The following CHD1L variants were observed in gnomAD, a reference collection of about 807,000 sequenced individuals.
CHD1L encodes the protein ATP-dependent chromatin remodeler CHD1L.
Under a neutral mutation model 115.9 loss-of-function variants are expected in CHD1L, and 118 were observed. That is an observed-to-expected ratio of 1.02 (90% CI 0.88 to 1.19). CHD1L has a LOEUF of 1.19. CHD1L is among the 50% of genes most tolerant of loss of function. CHD1L has a pLI of 0.00. For synonymous variants in CHD1L, 411 were observed against 387.1 expected (o/e 1.06, Z -0.72); for missense variants, 1,179 against 1,065.3 (o/e 1.11, Z -1.49).
chr1:147,267,640 C>A, intron 9 of CHD1L, 122 bp downstream of exon 9: 1 of 704,760 alleles, frequency 1.4e-6, no homozygotes, highest in Non-Finnish European at 2.4e-6. Context: ...TTCTCAATTT[C>A]TCTGTATTGG....
intron 15 of CHD1L, among the ~76,000 whole-genome samples, chr1:147,280,578 A>G (rs188101330): frequency 6.6e-6 from 1 of 152,294 alleles, no homozygotes; most frequent in East Asian, 1.9e-4. Flanking sequence ...ACTTGTTTTT[A>G]AAATTGCAGC....
chr1:147,217,223 G>A, the CHD1L span, among the ~76,000 whole-genome samples: 171 of 142,334 alleles, frequency 1.2e-3, 1 homozygote, highest in African/African-American at 4.2e-3. Flanking sequence ...TGGGCAACAA[G>A]AGCAAAACTC....
At chr1:147,178,566 T>C in the CHD1L span, 2 of 1,609,538 alleles carry the variant, frequency 1.2e-6, no homozygotes, top group African/African-American at 1.3e-5. Flanking sequence ...TCATTAGTGA[T>C]AAAGATGCCT....
At chr1:147,215,725 A>G in the CHD1L span, 2 of 1,523,116 alleles carry the variant, frequency 1.3e-6, no homozygotes, top group Non-Finnish European at 1.8e-6. Context: ...AACAACTTCA[A>G]ACACAAAGAT....
the CHD1L span, chr1:147,178,356 A>C: frequency 1.2e-6 from 2 of 1,612,410 alleles, no homozygotes; most frequent in Non-Finnish European, 1.7e-6. Flanking sequence ...TCCCATTAGC[A>C]AAGGCTGATT....
At chr1:147,239,371 T>G (rs1664698285), upstream of CHD1L, among the ~76,000 whole-genome samples, 1 of 151,640 alleles carries the variant, frequency 6.6e-6, no homozygotes. Context: ...CCAGCACTGT[T>G]TGTACAAATC....
the CHD1L span, among the ~76,000 whole-genome samples, chr1:147,205,915 TG>T: frequency 6.6e-6 from 1 of 151,938 alleles, no homozygotes; most frequent in Non-Finnish European, 1.5e-5. Context: ...AATTGACAAA[TG>T]GGATCTAATT....
the CHD1L span, among the ~76,000 whole-genome samples, chr1:147,217,136 G>A: frequency 6.6e-6 from 1 of 151,944 alleles, no homozygotes. Context: ...GCTAGTCGGG[G>A]GGCTGAGGCA....
At chr1:147,202,476 T>C in the CHD1L span, among the ~76,000 whole-genome samples, 77 of 152,058 alleles carry the variant, frequency 5.1e-4, no homozygotes, top group East Asian at 0.014. Flanking sequence ...CCTGCCACCA[T>C]GCCTGGCTAA....
At chr1:147,186,572 A>G in the CHD1L span, 4 of 1,031,058 alleles carry the variant, frequency 3.9e-6, no homozygotes, top group African/African-American at 1.7e-5. Context: ...CTACCATAAA[A>G]TTTGATAAAC....
chr1:147,279,137 G>C (rs1553960091), intron 14 of CHD1L, among the ~76,000 whole-genome samples: 1 of 152,154 alleles, frequency 6.6e-6, no homozygotes, highest in African/African-American at 2.4e-5. Context: ...TCATGCTTAA[G>C]TGAGCTGTCT....
chr1:147,257,675 A>G (rs1553941284), intron 5 of CHD1L, among the ~76,000 whole-genome samples: 1 of 152,198 alleles, frequency 6.6e-6, no homozygotes, highest in Non-Finnish European at 1.5e-5. Context: ...GGTACTTTAC[A>G]TAAATTATCC....
chr1:147,238,705 A>G (rs1209910628), upstream of CHD1L, among the ~76,000 whole-genome samples: 1 of 152,204 alleles, frequency 6.6e-6, no homozygotes, highest in Non-Finnish European at 1.5e-5. Flanking sequence ...TCTGTACTTC[A>G]AAGTTATAAC....
intron 8 of CHD1L, 25 bp from the exon 9 acceptor site, chr1:147,267,401 C>G (rs782299389): frequency 3.2e-6 from 5 of 1,567,036 alleles, no homozygotes; most frequent in Non-Finnish European, 4.4e-6. Context: ...CTCTTTCTGT[C>G]TCTCTCTTTT....
At chr1:147,201,405 T>C in the CHD1L span, 6 of 1,614,182 alleles carry the variant, frequency 3.7e-6, no homozygotes, top group Non-Finnish European at 5.1e-6. Context: ...ATATGGCAGC[T>C]GTCTCCGTGA....
the CHD1L span, among the ~76,000 whole-genome samples, chr1:147,226,049 C>CT: frequency 2.0e-5 from 3 of 150,896 alleles, no homozygotes; most frequent in Non-Finnish European, 4.4e-5. Flanking sequence ...ATTATTATTA[C>CT]TTTTTTTAAC....
chr1:147,276,340 T>C (rs1678466144), intron 14 of CHD1L, 83 bp downstream of exon 14: 3 of 1,042,566 alleles, frequency 2.9e-6, no homozygotes. Context: ...GAACCAGCAC[T>C]CACCCTCTCC....
At chr1:147,192,471 A>T in the CHD1L span, among the ~76,000 whole-genome samples, 1 of 152,074 alleles carries the variant, frequency 6.6e-6, no homozygotes. Context: ...GGACAATTTG[A>T]CTTCCTCTTT....
chr1:147,264,533 G>T lies in CHD1L; in HGVS notation c.688G>T (p.Val230Leu). 1.9e-6 allele frequency: 3 copies of T among 1,614,070 alleles called. No homozygotes were observed. Among genetic ancestry groups the T allele is most frequent in the Non-Finnish European group, 2.5e-6 (3 of 1,179,982 alleles). ...GCCTGATCTCTTTTCCAAGGAAGAG[G>T]TGGGAGATTTTATTCAACGCTACCA... ...VEPDLFSKEEVGDFIQRYQDI... is the reference protein window; with the variant it reads ...VEPDLFSKEELGDFIQRYQDI... The change falls in exon 7 of 23, where the codon GTG (valine) becomes TTG (leucine). Residue 230 changes from valine to leucine, a missense_variant. Val to Leu is a conservative substitution (Grantham distance 32). Coordinates refer to ENST00000369258, the MANE Select transcript of CHD1L (RefSeq NM_004284.6).
Sources: gnomAD v4.1 joint callset for allele counts (sites outside exome capture counted in the v4.1 genomes callset) on GRCh38, gnomAD v4.1.1 for gene constraint, MANE v1.5 for transcripts, NCBI Gene and HGNC (gene_info 2026-07-23, HGNC 2026-07-21) for gene names.